PRKG1: variants seen among roughly 807,000 people sequenced by gnomAD.
PRKG1 encodes cGMP-dependent protein kinase 1.
PRKG1 carries 35 observed loss-of-function variants against 88.1 expected under a neutral mutation model. The observed-to-expected ratio is 0.40, with a 90% confidence interval of 0.30 to 0.53. The LOEUF (loss-of-function observed/expected upper bound fraction) is 0.53. Ranked by LOEUF, PRKG1 falls within the 20% of genes least tolerant of loss-of-function variation. PRKG1 has a pLI of 0.59. For synonymous variants in PRKG1, 303 were observed against 292.5 expected (o/e 1.04, Z -0.37); for missense variants, 540 against 839.8 (o/e 0.64, Z 4.41).
intron 1 of PRKG1, among the ~76,000 whole-genome samples, chr10:50,992,151 A>G (rs1237960697): frequency 6.6e-6 from 1 of 151,846 alleles, no homozygotes; most frequent in Non-Finnish European, 1.5e-5. Context: ...GGCTCAACTT[A>G]GGGACTGAAC....
chr10:51,973,369 A>T (rs1163318346), intron 5 of PRKG1, among the ~76,000 whole-genome samples: 10 of 152,174 alleles, frequency 6.6e-5, no homozygotes, highest in Non-Finnish European at 1.5e-4. Flanking sequence ...TTGTAAAAGT[A>T]GCACCATCCT....
At chr10:51,121,034 T>C (rs1169337098) in intron 1 of PRKG1, among the ~76,000 whole-genome samples, 1 of 152,126 alleles carries the variant, frequency 6.6e-6, no homozygotes, top group Non-Finnish European at 1.5e-5. Context: ...CATTCTCAGC[T>C]CTTGGCCCCA....
At chr10:51,710,559 AG>A (rs1009607127) in intron 3 of PRKG1, among the ~76,000 whole-genome samples, 1 of 152,236 alleles carries the variant, frequency 6.6e-6, no homozygotes, top group African/African-American at 2.4e-5. Context: ...CATTGTTGCC[AG>A]GCCATTGATT....
chr10:51,894,645 T>C (rs1841800033), intron 4 of PRKG1, among the ~76,000 whole-genome samples: 1 of 152,154 alleles, frequency 6.6e-6, no homozygotes, highest in Non-Finnish European at 1.5e-5. Context: ...ACTTTACGGT[T>C]CGGAAACAAC....
At chr10:51,117,638 A>G (rs1421806932) in intron 1 of PRKG1, among the ~76,000 whole-genome samples, 1 of 152,216 alleles carries the variant, frequency 6.6e-6, no homozygotes, top group Non-Finnish European at 1.5e-5. Flanking sequence ...AGTGGATAGC[A>G]TTCTTTCTTC....
At chr10:51,051,759 C>A (rs1338126894) in intron 1 of PRKG1, among the ~76,000 whole-genome samples, 3 of 152,102 alleles carry the variant, frequency 2.0e-5, no homozygotes, top group Non-Finnish European at 4.4e-5. Flanking sequence ...CACTGGCCTG[C>A]TATCACCTAG....
chr10:51,326,967 T>C (rs1841608409), intron 2 of PRKG1, among the ~76,000 whole-genome samples: 2 of 152,192 alleles, frequency 1.3e-5, no homozygotes. Flanking sequence ...ATGAAAATAG[T>C]ATCTCTACCC....
intron 2 of PRKG1, among the ~76,000 whole-genome samples, chr10:51,273,174 A>G (rs1344525801): frequency 2.0e-5 from 3 of 152,286 alleles, no homozygotes; most frequent in Non-Finnish European, 4.4e-5. Context: ...AATCCCTGCT[A>G]TCTTTCTTCC....
intron 2 of PRKG1, among the ~76,000 whole-genome samples, chr10:51,400,053 C>A (rs1218015351): frequency 6.6e-6 from 1 of 152,106 alleles, no homozygotes; most frequent in Admixed American, 6.5e-5. Context: ...GTTTAATTAG[C>A]CAGTCATTGT....
In PRKG1 at chr10:52,188,324, A is replaced by G. The variant is rs554865645; in HGVS notation, c.1076+26361A>G. On this transcript the variant is annotated intron_variant, in intron 9 of 17. Coordinates refer to ENST00000373980, the MANE Select transcript of PRKG1 (RefSeq NM_006258.4). The stretch of plus-strand genomic sequence containing the variant: ...TATGTATATATATACATATGTATAT[A>G]TATACACATATATATATATATTTCT... Among the ~76,000 whole-genome samples the G allele has an allele frequency of 4.4e-3, 626 of 141,760 alleles. 9 individuals carry two copies. The highest frequency in any genetic ancestry group is 0.015 in the African/African-American group (587 of 38,132). 93.0% of individuals were successfully genotyped at this position (141,760 alleles called of 152,430 possible).
intron 2 of PRKG1, among the ~76,000 whole-genome samples, chr10:51,317,473 A>G (rs1841351525): frequency 6.6e-6 from 1 of 152,192 alleles, no homozygotes. Flanking sequence ...CACGCACACA[A>G]ACACCCTTGG....
intron 4 of PRKG1, among the ~76,000 whole-genome samples, chr10:51,897,334 T>C (rs1244049832): frequency 1.3e-5 from 2 of 152,152 alleles, no homozygotes; most frequent in Non-Finnish European, 2.9e-5. Flanking sequence ...TGGCACTAAT[T>C]TGATGCAGAG....
chr10:51,751,446 T>A (rs1024508941), intron 3 of PRKG1, among the ~76,000 whole-genome samples: 19 of 152,162 alleles, frequency 1.2e-4, no homozygotes, highest in Non-Finnish European at 2.6e-4. Context: ...CAGGCAGGTC[T>A]TGAACTCCTG....
chr10:51,330,104 C>A (rs544457761), intron 2 of PRKG1, among the ~76,000 whole-genome samples: 1 of 119,004 alleles, frequency 8.4e-6, no homozygotes, highest in East Asian at 2.3e-4. Flanking sequence ...TACATTTGCT[C>A]TTTTATTTAT....
At chr10:51,297,403 T>C (rs140318600) in intron 2 of PRKG1, among the ~76,000 whole-genome samples, 85 of 152,290 alleles carry the variant, frequency 5.6e-4, no homozygotes, top group African/African-American at 2.0e-3. Flanking sequence ...TCGCCATCTG[T>C]TACCAGCTCT....
At chr10:51,973,159 C>T (rs2454568) in intron 5 of PRKG1, among the ~76,000 whole-genome samples, 117,383 of 152,036 alleles carry the variant, frequency 0.77, 45,461 homozygotes, top group African/African-American at 0.8. Flanking sequence ...GAATGTGTGA[C>T]CAATGCTTGC....
At chr10:51,441,312 A>AGCATG (rs1281129862) in intron 2 of PRKG1, among the ~76,000 whole-genome samples, 2 of 152,062 alleles carry the variant, frequency 1.3e-5, no homozygotes, top group Non-Finnish European at 2.9e-5. Flanking sequence ...GAGAAACTAA[A>AGCATG]GCATGGAAGA....
intron 2 of PRKG1, among the ~76,000 whole-genome samples, chr10:51,277,034 C>A (rs1840142201): frequency 6.6e-6 from 1 of 152,160 alleles, no homozygotes; most frequent in Non-Finnish European, 1.5e-5. Context: ...GAAGTTCTTG[C>A]CCATGCCTAT....
intron 3 of PRKG1, among the ~76,000 whole-genome samples, chr10:51,505,359 T>C (rs1841165993): frequency 6.6e-6 from 1 of 152,226 alleles, no homozygotes; most frequent in South Asian, 2.1e-4. Context: ...GATGTGCTGC[T>C]GGATTTGGTT....
Sources: gnomAD v4.1 joint callset for allele counts (sites outside exome capture counted in the v4.1 genomes callset) on GRCh38, gnomAD v4.1.1 for gene constraint, MANE v1.5 for transcripts, NCBI Gene and HGNC (gene_info 2026-07-23, HGNC 2026-07-21) for gene names.